Variants in ERBB4 observed in about 807,000 individuals in gnomAD.
The protein encoded by ERBB4 is erb-b2 receptor tyrosine kinase 4.
A neutral mutation model predicts 158.0 loss-of-function variants in ERBB4; 42 were observed. That is an observed-to-expected ratio of 0.27 (90% CI 0.21 to 0.34). The LOEUF (loss-of-function observed/expected upper bound fraction) is 0.34. Among genes scored for constraint, ERBB4 ranks in the 10% least tolerant of loss-of-function variants. The probability of loss-of-function intolerance (pLI) is 1.00; values close to 1 mark genes in which losing one functional copy is unlikely to be tolerated. For synonymous variants in ERBB4, 583 were observed against 558.7 expected (o/e 1.04, Z -0.61); for missense variants, 1,333 against 1,624.1 (o/e 0.82, Z 3.08).
At chr2:211,501,431 T>A (rs1042474214) in intron 20 of ERBB4, among the ~76,000 whole-genome samples, 2 of 151,802 alleles carry the variant, frequency 1.3e-5, no homozygotes, top group Non-Finnish European at 2.9e-5. Flanking sequence ...ACCCATATTA[T>A]ATGCTTGTAT....
chr2:211,559,813 A>G (rs73075181), intron 20 of ERBB4, among the ~76,000 whole-genome samples: 1 of 152,350 alleles, frequency 6.6e-6, no homozygotes, highest in African/African-American at 2.4e-5. Flanking sequence ...AAAGCCCACC[A>G]ATATCTGCTG....
intron 12 of ERBB4, among the ~76,000 whole-genome samples, 183 bp downstream of exon 12, chr2:211,701,784 A>G (rs942326719): frequency 1.4e-5 from 2 of 146,110 alleles, no homozygotes; most frequent in Non-Finnish European, 3.0e-5. Context: ...AAAAAAAAAA[A>G]GAAAGTCACT....
rs1362012397 is a variant in ERBB4, at chr2:211,889,690, C to A, written c.421+57740G>T. ...TTAGAAGAATGTATAACTAGAATAA[C>A]CAATACAGAGAAGTGCTTAAAGCAG... On this transcript the variant is annotated intron_variant, in intron 3 of 27. Transcript: ENST00000342788. Among the ~76,000 whole-genome samples, 3 of 145,082 alleles carry A rather than the reference C, an allele frequency of 2.1e-5. No individual in the cohort carries two copies. The East Asian group carries it at 6.0e-4, about 29-fold the overall frequency.
chr2:211,631,287 C>T (rs1002381492), intron 16 of ERBB4, among the ~76,000 whole-genome samples: 2 of 152,004 alleles, frequency 1.3e-5, no homozygotes, highest in African/African-American at 4.8e-5. Flanking sequence ...TATAAGGGTA[C>T]CAATAAGAGA....
At chr2:212,003,171 A>AAGAT (rs2076157150) in intron 2 of ERBB4, among the ~76,000 whole-genome samples, 1 of 35,072 alleles carries the variant, frequency 2.9e-5, no homozygotes, top group Non-Finnish European at 1.0e-4. Context: ...GAAAGAAAGA[A>AAGAT]AGAAAGAAAG....
At chr2:211,727,741 GAA>G (rs2074311505) in intron 5 of ERBB4, among the ~76,000 whole-genome samples, 1 of 151,830 alleles carries the variant, frequency 6.6e-6, no homozygotes, top group Non-Finnish European at 1.5e-5. Flanking sequence ...GAAAGATAAA[GAA>G]TATTCTTCCA....
At chr2:211,603,562 A>G (rs2068869915) in intron 19 of ERBB4, among the ~76,000 whole-genome samples, 1 of 152,236 alleles carries the variant, frequency 6.6e-6, no homozygotes, top group African/African-American at 2.4e-5. Flanking sequence ...TGGTTAGACT[A>G]GAAGTATTAA....
At chr2:211,802,266 A>C (rs200131616) in intron 3 of ERBB4, among the ~76,000 whole-genome samples, 27,810 of 151,462 alleles carry the variant, frequency 0.18, 2,742 homozygotes, top group South Asian at 0.37. Context: ...CTCCAACAAA[A>C]AAAAAAAAAC....
Position 211,708,612 on chromosome 2 carries a change from T to TTCTCTCTC in ERBB4, c.1125-3229_1125-3222dup, listed in dbSNP as rs60948715. ...TTTTCATTTCTCTCTGTTTCCATCC[T>TTCTCTCTC]TCTCTCTCTCTCTCTCTCTCTCTCT... On this transcript the variant is annotated intron_variant, in intron 9 of 27. Coordinates refer to ENST00000342788, the MANE Select transcript of ERBB4 (RefSeq NM_005235.3). 1.7e-3 allele frequency among the ~76,000 whole-genome samples: 195 copies of TTCTCTCTC among 116,658 alleles called. 1 individual carries two copies. Among genetic ancestry groups the TTCTCTCTC allele is most frequent in the African/African-American group, 2.4e-3 (86 of 35,758 alleles). 76.5% of individuals were successfully genotyped at this position (116,658 alleles called of 152,430 possible).
rs1395255033 is a variant in ERBB4 at position 211,852,276 on chromosome 2, C to A, written c.422-64117G>T. On this transcript the variant is annotated intron_variant, in intron 3 of 27. Coordinates refer to ENST00000342788, the MANE Select transcript of ERBB4 (RefSeq NM_005235.3). ...TTAAAAATGAGGAAAACATTTAAAT[C>A]TTTTTAAAAAAATGACTTGGGGCCA... Among the ~76,000 whole-genome samples, 2 of 151,826 alleles carry A rather than the reference C, an allele frequency of 1.3e-5. 1 individual carries two copies. Among genetic ancestry groups the A allele is most frequent in the Non-Finnish European group, 2.9e-5 (2 of 67,854 alleles).
intron 25 of ERBB4, among the ~76,000 whole-genome samples, chr2:211,392,552 C>G (rs1342614669): frequency 7.1e-6 from 1 of 140,320 alleles, no homozygotes; most frequent in African/African-American, 2.8e-5. Context: ...AAAAAACTCT[C>G]TTACTCCACA....
At chr2:211,394,997 C>G (rs2062879433) in intron 25 of ERBB4, among the ~76,000 whole-genome samples, 1 of 152,008 alleles carries the variant, frequency 6.6e-6, no homozygotes, top group African/African-American at 2.4e-5. Flanking sequence ...TAGAAAAGAT[C>G]ACTTCCAACT....
At chr2:212,191,784 T>TAC (rs2082239457) in intron 1 of ERBB4, among the ~76,000 whole-genome samples, 1 of 104,004 alleles carries the variant, frequency 9.6e-6, no homozygotes, top group Non-Finnish European at 2.0e-5. Context: ...ACACGTGTGT[T>TAC]ATATGTTCTA....
chr2:211,481,774 C>G (rs1182955406), intron 20 of ERBB4, among the ~76,000 whole-genome samples: 1 of 151,964 alleles, frequency 6.6e-6, no homozygotes, highest in Non-Finnish European at 1.5e-5. Flanking sequence ...AAAATTGAAA[C>G]TAGATATGAT....
chr2:212,287,397 T>C (rs1048855521), intron 1 of ERBB4, among the ~76,000 whole-genome samples: 1 of 152,140 alleles, frequency 6.6e-6, no homozygotes, highest in Non-Finnish European at 1.5e-5. Context: ...CTTTTGATAA[T>C]TTTTGTCACA....
At chr2:211,483,796 T>TCC (rs1180872636) in intron 20 of ERBB4, among the ~76,000 whole-genome samples, 1 of 151,936 alleles carries the variant, frequency 6.6e-6, no homozygotes, top group East Asian at 1.9e-4. Flanking sequence ...AAGTGATCCT[T>TCC]CCCCTCAGCC....
At chr2:212,274,580 T>TATGGCACCTTAAC (rs2085457993) in intron 1 of ERBB4, among the ~76,000 whole-genome samples, 1 of 151,948 alleles carries the variant, frequency 6.6e-6, no homozygotes, top group Admixed American at 6.6e-5. Flanking sequence ...TATGATCTAA[T>TATGGCACCTTAAC]ATGGCACCTT....
chr2:212,283,800 T>C (rs1413576893), intron 1 of ERBB4, among the ~76,000 whole-genome samples: 2 of 152,070 alleles, frequency 1.3e-5, no homozygotes, highest in African/African-American at 4.8e-5. Flanking sequence ...TATAGTGACA[T>C]ACCACAGTGA....
intron 19 of ERBB4, among the ~76,000 whole-genome samples, chr2:211,600,518 C>T (rs77200750): frequency 0.05 from 7,679 of 152,146 alleles, 260 homozygotes; most frequent in Non-Finnish European, 0.079. Context: ...TTTAGTAGCG[C>T]AGATGGTGAA....
Sources: allele counts gnomAD v4.1 joint callset (sites outside exome capture counted in the v4.1 genomes callset), GRCh38; gene constraint gnomAD v4.1.1; transcripts MANE v1.5; gene names NCBI Gene and HGNC (gene_info 2026-07-23, HGNC 2026-07-21).